The following ZNF385D variants were observed in gnomAD, a reference collection of about 807,000 sequenced individuals.
The protein encoded by ZNF385D is zinc finger protein 385D.
ZNF385D carries 15 observed loss-of-function variants against 35.8 expected under a neutral mutation model. The ratio of observed to expected loss-of-function variants is 0.42; its 90% CI spans 0.28 to 0.64. ZNF385D has a LOEUF of 0.64. ZNF385D is among the 30% of genes least tolerant of loss of function. The probability of loss-of-function intolerance (pLI) is 0.23; values close to 1 mark genes in which losing one functional copy is unlikely to be tolerated. For synonymous variants in ZNF385D, 212 were observed against 186.8 expected (o/e 1.13, Z -1.10); for missense variants, 474 against 494.6 (o/e 0.96, Z 0.39).
chr3:21,754,796 A>G (rs376452791), upstream of ZNF385D, among the ~76,000 whole-genome samples: 7 of 152,230 alleles, frequency 4.6e-5, no homozygotes, highest in East Asian at 1.4e-3. Context: ...TATCTGTTCA[A>G]TGCTATATCT....
chr3:21,523,040 C>T (rs747240212), intron 3 of ZNF385D, among the ~76,000 whole-genome samples: 2 of 152,124 alleles, frequency 1.3e-5, no homozygotes, highest in Non-Finnish European at 2.9e-5. Context: ...GGAGATGCTG[C>T]TATTCTGTCA....
At chr3:21,472,194 A>G (rs1345904383) in intron 4 of ZNF385D, among the ~76,000 whole-genome samples, 1 of 152,188 alleles carries the variant, frequency 6.6e-6, no homozygotes, top group African/African-American at 2.4e-5. Context: ...ACATTTAGTT[A>G]CATTTTAACA....
intron 2 of ZNF385D, among the ~76,000 whole-genome samples, chr3:21,582,514 T>TTAAAGAAACTAATGTAAAAGTGGA (rs2063696574): frequency 6.6e-6 from 1 of 152,288 alleles, no homozygotes; most frequent in South Asian, 2.1e-4. Context: ...TCTTAATAAG[T>TTAAAGAAACTAATGTAAAAGTGGA]TAAAGAAACT....
intron 3 of ZNF385D, among the ~76,000 whole-genome samples, chr3:21,844,176 C>T (rs185823821): frequency 1.3e-5 from 2 of 151,952 alleles, no homozygotes; most frequent in African/African-American, 4.8e-5. Flanking sequence ...CAGTACAGGA[C>T]AAGTAAGATT....
intron 3 of ZNF385D, among the ~76,000 whole-genome samples, chr3:21,835,707 G>A (rs985125038): frequency 6.6e-6 from 1 of 152,000 alleles, no homozygotes; most frequent in African/African-American, 2.4e-5. Context: ...ACTTGGAACT[G>A]TATTGTTATG....
At chr3:22,292,846 G>T (rs907025827) in intron 2 of ZNF385D, among the ~76,000 whole-genome samples, 2 of 152,118 alleles carry the variant, frequency 1.3e-5, no homozygotes, top group Non-Finnish European at 2.9e-5. Context: ...GAAAAAGAGA[G>T]AGAGAATTTT....
intron 3 of ZNF385D, among the ~76,000 whole-genome samples, chr3:22,035,410 T>A (rs921635626): frequency 6.6e-6 from 1 of 152,192 alleles, no homozygotes; most frequent in Non-Finnish European, 1.5e-5. Flanking sequence ...TATAATTCCC[T>A]TTTCATTAAA....
intron 7 of ZNF385D, 99 bp from the exon 8 acceptor site, chr3:21,421,546 A>G: frequency 1.4e-6 from 1 of 735,872 alleles, no homozygotes; most frequent in Non-Finnish European, 2.2e-6. Context: ...GCAGTAAACA[A>G]CTATAAAGAA....
At chr3:21,482,736 T>C (rs1031746057) in intron 4 of ZNF385D, among the ~76,000 whole-genome samples, 2 of 152,198 alleles carry the variant, frequency 1.3e-5, no homozygotes, top group Non-Finnish European at 2.9e-5. Context: ...CATGAGTACC[T>C]AGGATGTCTT....
chr3:22,046,864 T>A (rs1318219388), intron 3 of ZNF385D, among the ~76,000 whole-genome samples: 1 of 152,142 alleles, frequency 6.6e-6, no homozygotes, highest in African/African-American at 2.4e-5. Context: ...ATTCATTTCA[T>A]CAACTGTGAA....
intron 3 of ZNF385D, among the ~76,000 whole-genome samples, chr3:21,550,788 A>G (rs2062540536): frequency 1.3e-5 from 2 of 152,078 alleles, no homozygotes; most frequent in Admixed American, 6.6e-5. Flanking sequence ...GCTGATCTCT[A>G]TTTTATAATA....
intron 3 of ZNF385D, among the ~76,000 whole-genome samples, chr3:21,808,457 G>A (rs1267913201): frequency 6.6e-6 from 1 of 152,172 alleles, no homozygotes. Context: ...TGCATTAAGT[G>A]AATCCAAGCA....
intron 3 of ZNF385D, among the ~76,000 whole-genome samples, chr3:21,944,078 T>C (rs1397801892): frequency 1.3e-5 from 2 of 152,224 alleles, no homozygotes; most frequent in Admixed American, 1.3e-4. Flanking sequence ...TATTTTCAGC[T>C]GTATTGTACT....
At chr3:21,729,441 A>G (rs1339523794) in intron 1 of ZNF385D, among the ~76,000 whole-genome samples, 1 of 152,056 alleles carries the variant, frequency 6.6e-6, no homozygotes, top group Non-Finnish European at 1.5e-5. Flanking sequence ...TTTAAAGATA[A>G]AACTGTCATT....
At chr3:22,295,151 T>A (rs1466383370) in intron 2 of ZNF385D, among the ~76,000 whole-genome samples, 1 of 152,248 alleles carries the variant, frequency 6.6e-6, no homozygotes, top group East Asian at 1.9e-4. Context: ...ATACCATAGA[T>A]AACAATAAAT....
intron 2 of ZNF385D, among the ~76,000 whole-genome samples, chr3:22,359,084 A>C (rs1480952351): frequency 7.7e-6 from 1 of 130,658 alleles, no homozygotes. Context: ...CAAAAAAAAA[A>C]ACAAAAAACA....
At chr3:22,022,656 A>G (rs13324593) in intron 3 of ZNF385D, among the ~76,000 whole-genome samples, 7,497 of 152,242 alleles carry the variant, frequency 0.049, 617 homozygotes, top group African/African-American at 0.17. Flanking sequence ...GAAAAGAGTC[A>G]TATATGTCTT....
rs140387394 is a variant in ZNF385D at position 22,039,462 on chromosome 3, T to C, written c.325+129355A>G. ...AGTGCCCTTATCTTCCTGTCTCCAG[T>C]CTACCATTCCAGCCAAATTTTTCAT... is the stretch of plus-strand genomic sequence containing the variant. On this transcript the variant is annotated intron_variant, in intron 3 of 5. Coordinates refer to the ZNF385D transcript ENST00000494108. Among the ~76,000 whole-genome samples, 349 of 152,190 alleles carry C rather than the reference T, an allele frequency of 2.3e-3. 3 individuals carry two copies. Among genetic ancestry groups the C allele is most frequent in the African/African-American group, 7.8e-3 (324 of 41,514 alleles).
intron 2 of ZNF385D, among the ~76,000 whole-genome samples, chr3:22,301,555 T>A (rs1028048417): frequency 1.3e-5 from 2 of 152,076 alleles, no homozygotes; most frequent in African/African-American, 2.4e-5. Flanking sequence ...TCAATTAAAA[T>A]ATATTTTTTA....
Sources: allele counts gnomAD v4.1 joint callset (sites outside exome capture counted in the v4.1 genomes callset), GRCh38; gene constraint gnomAD v4.1.1; transcripts MANE v1.5; gene names NCBI Gene and HGNC (gene_info 2026-07-23, HGNC 2026-07-21).